The following ACVR2B variants were observed in gnomAD, a reference collection of about 807,000 sequenced individuals.
ACVR2B encodes activin A receptor type 2B.
A neutral mutation model predicts 65.1 loss-of-function variants in ACVR2B; 18 were observed. That is an observed-to-expected ratio of 0.28 (90% CI 0.19 to 0.41). The LOEUF (loss-of-function observed/expected upper bound fraction) is 0.41, where lower values mean the gene tolerates loss of function less well. Among genes scored for constraint, ACVR2B ranks in the 10% least tolerant of loss-of-function variants. The pLI is 1.00. For synonymous variants in ACVR2B, 298 were observed against 277.7 expected, an observed-to-expected ratio of 1.07 and a Z score of -0.73; for missense variants, 482 against 682.7, an observed-to-expected ratio of 0.71 and a Z score of 3.28.
intron 1 of ACVR2B, among the ~76,000 whole-genome samples, chr3:38,472,937 T>C (rs931084320): frequency 6.6e-6 from 1 of 152,202 alleles, no homozygotes; most frequent in African/African-American, 2.4e-5. Context: ...GACCTCCCAG[T>C]GCGTGTCTTC....
Position 38,478,512 on chromosome 3 carries a change from A to G in ACVR2B, c.660A>G (p.Pro220=). ...MNDFVAVKIF[P]LQDKQSWQSE... ...ACTTTGTAGCTGTCAAGATCTTCCCACTCCAGGTGAGTGTTTGAGGGGCTC... is the reference window on the plus strand; with the variant it reads ...ACTTTGTAGCTGTCAAGATCTTCCCGCTCCAGGTGAGTGTTTGAGGGGCTC... The change falls in exon 5 of 11, where the codon CCA becomes CCG. Residue 220 remains proline, a synonymous_variant. Coordinates refer to ENST00000352511, the MANE Select transcript of ACVR2B (RefSeq NM_001106.4). 3 of 1,613,586 alleles carry G rather than the reference A, an allele frequency of 1.9e-6. No individual in the cohort carries two copies.
chr3:38,492,795 C>T lies in ACVR2B; in HGVS notation c.*9463C>T, dbSNP rs1332171575. ...ACACACACACACACACACACACACA[C>T]ACACACACATACACCTAAAATGGCC... On this transcript the variant is annotated 3_prime_UTR_variant, in exon 11 of 11. Coordinates refer to ENST00000352511, the MANE Select transcript of ACVR2B (RefSeq NM_001106.4). 5.3e-5 allele frequency: 3 copies of T among 56,550 alleles called. No individual in the cohort carries two copies. The highest frequency in any genetic ancestry group is 1.3e-4 in the African/African-American group (2 of 15,232). The allele number at this position is 56,550 out of a possible 1,614,324, so 3.5% of individuals were successfully genotyped here. A position where few individuals can be genotyped will look rare whatever the true frequency, so the allele number is the denominator to read the frequency against.
At chr3:38,466,805 C>G (rs1002060957) in intron 1 of ACVR2B, among the ~76,000 whole-genome samples, 1 of 152,004 alleles carries the variant, frequency 6.6e-6, no homozygotes, top group Non-Finnish European at 1.5e-5. Context: ...GCCCGGCCTA[C>G]AAAACTTCTT....
At position 38,485,536 on chromosome 3, in the gene ACVR2B, T is replaced by C. The variant is rs1710103589; in HGVS notation, c.*2204T>C. 6.6e-6 allele frequency: 1 copy of C among 152,260 alleles called. No individual in the cohort carries two copies. Among genetic ancestry groups the C allele is most frequent in the Admixed American group, 6.5e-5 (1 of 15,274 alleles). The allele number at this position is 152,260 out of a possible 1,614,324, so 9.4% of individuals were successfully genotyped here. A position where few individuals can be genotyped will look rare whatever the true frequency, so the allele number is the denominator to read the frequency against. The stretch of plus-strand genomic sequence containing the variant: ...CTTACTGCCCCGGGGTCCTTTCCTC[T>C]GGGTGTTGGGGCACAGGGTGCTATG... On this transcript the variant is annotated 3_prime_UTR_variant, in exon 11 of 11. Coordinates refer to ENST00000352511, the MANE Select transcript of ACVR2B (RefSeq NM_001106.4).
intron 1 of ACVR2B, among the ~76,000 whole-genome samples, chr3:38,455,234 C>T (rs1466696832): frequency 1.3e-5 from 2 of 152,084 alleles, no homozygotes; most frequent in Non-Finnish European, 2.9e-5. Flanking sequence ...ACCGATTTCC[C>T]TCTCTCAGTG....
chr3:38,477,698 GTTC>G lies in ACVR2B; in HGVS notation c.261-159_261-157del, dbSNP rs1332647054. 6.6e-6 allele frequency among the ~76,000 whole-genome samples: 1 copy of G among 152,176 alleles called. No homozygotes were observed. Among genetic ancestry groups the G allele is most frequent in the Non-Finnish European group, 1.5e-5 (1 of 68,024 alleles). On this transcript the variant is annotated intron_variant, in intron 2 of 10. Transcript: ENST00000352511. This position sits in a 1 kb window ranked among gnomAD's most constrained non-coding sequence, Gnocchi z 6.7. ...GGGGTCTCAGTGTCAACCCCTGGCTGTTCTTCCTTGGCTTTGGGTCTCCTGTAG... is the reference window on the plus strand; with the variant it reads ...GGGGTCTCAGTGTCAACCCCTGGCTGTTCCTTGGCTTTGGGTCTCCTGTAG...
In ACVR2B at chr3:38,491,140, T is replaced by C. The variant is rs990321879; in HGVS notation, c.*7808T>C. Reference sequence around the variant, plus strand: ...TGCTGTGAAATTAGGCCTTGTGGGATATGGCTGTTTGTCATTTTGATGTAT... The same window carrying C: ...TGCTGTGAAATTAGGCCTTGTGGGACATGGCTGTTTGTCATTTTGATGTAT... On this transcript the variant is annotated 3_prime_UTR_variant, in exon 11 of 11. Transcript: ENST00000352511. The C allele has an allele frequency of 1.5e-4, 23 of 152,410 alleles. No individual in the cohort carries two copies. The highest frequency in any genetic ancestry group is 4.8e-4 in the African/African-American group (20 of 41,460). 9.4% of individuals were successfully genotyped at this position (152,410 alleles called of 1,614,324 possible). A position where few individuals can be genotyped will look rare whatever the true frequency, so the allele number is the denominator to read the frequency against.
chr3:38,454,359 G>T lies in ACVR2B; in HGVS notation c.37G>T (p.Gly13Ter). Residue 13 changes from glycine to a stop codon, truncating the protein, a stop_gained, in exon 1 of 11, where the codon GGA becomes TGA. Coordinates refer to ENST00000352511, the MANE Select transcript of ACVR2B (RefSeq NM_001106.4). LOFTEE classifies it high-confidence loss of function. ...CTGGGTGGCCCTCGCCCTCCTCTGG[G>T]GATCGCTGTGCGCCGGTAAGAACTG... Reference protein sequence around the residue: ...APWVALALLWGSLCAGSGRGE... With the variant: ...APWVALALLW 7.8e-7 allele frequency: 1 copy of T among 1,285,730 alleles called. No individual in the cohort carries two copies. Among genetic ancestry groups the T allele is most frequent in the South Asian group, 2.6e-5 (1 of 37,880 alleles). The allele number at this position is 1,285,730 out of a possible 1,614,324, so 79.6% of individuals were successfully genotyped here.
At position 38,453,899 on chromosome 3, in the gene ACVR2B, C is replaced by T. The variant is rs1709492149; in HGVS notation, c.-424C>T. 1 of 147,166 alleles carries T rather than the reference C, an allele frequency of 6.8e-6. No homozygotes were observed. The highest frequency in any genetic ancestry group is 2.2e-4 in the South Asian group (1 of 4,474). 9.1% of individuals were successfully genotyped at this position (147,166 alleles called of 1,614,324 possible). On this transcript the variant is annotated 5_prime_UTR_variant, in exon 1 of 11. Coordinates refer to ENST00000352511, the MANE Select transcript of ACVR2B (RefSeq NM_001106.4). The stretch of plus-strand genomic sequence containing the variant: ...TCCGGGTTTCCCCGCTGGCTCGGCT[C>T]CGTGGCCGCCGCTCAGGAGCCATTT...
chr3:38,457,805 G>C (rs1015504584), intron 1 of ACVR2B, among the ~76,000 whole-genome samples: 2 of 152,210 alleles, frequency 1.3e-5, no homozygotes, highest in African/African-American at 4.8e-5. Context: ...CACTTCCTTG[G>C]GGGAGGGCGG....
chr3:38,465,041 A>G (rs1709706338), intron 1 of ACVR2B, among the ~76,000 whole-genome samples: 1 of 152,180 alleles, frequency 6.6e-6, no homozygotes, highest in Admixed American at 6.5e-5. Flanking sequence ...GCCAGCAGAA[A>G]CATCACAGTT....
intron 1 of ACVR2B, among the ~76,000 whole-genome samples, chr3:38,455,892 C>T (rs1472606156): frequency 6.6e-6 from 1 of 152,174 alleles, no homozygotes; most frequent in African/African-American, 2.4e-5. Context: ...GACCGCAGCC[C>T]ACCTGACTGC....
chr3:38,475,565 G>T (rs1255479638), intron 1 of ACVR2B: 2 of 152,294 alleles, frequency 1.3e-5, no homozygotes, highest in African/African-American at 4.8e-5. Context: ...GTTGCAGAAA[G>T]GGGTTGGGTT....
intron 1 of ACVR2B, among the ~76,000 whole-genome samples, chr3:38,462,475 T>G (rs947430963): frequency 6.6e-6 from 1 of 152,214 alleles, no homozygotes; most frequent in Non-Finnish European, 1.5e-5. Flanking sequence ...TAACTACTAT[T>G]CTAACTTCTA....
intron 1 of ACVR2B, among the ~76,000 whole-genome samples, chr3:38,465,746 A>G (rs1709717403): frequency 1.3e-5 from 2 of 152,244 alleles, no homozygotes; most frequent in Admixed American, 1.3e-4. Flanking sequence ...AGAATGAGGC[A>G]GAAAAGTTAA....
chr3:38,465,524 A>T (rs1709713772), intron 1 of ACVR2B, among the ~76,000 whole-genome samples: 1 of 152,232 alleles, frequency 6.6e-6, no homozygotes, highest in South Asian at 2.1e-4. Context: ...TTACGTAATA[A>T]CAGAAATTAA....
intron 1 of ACVR2B, among the ~76,000 whole-genome samples, chr3:38,462,037 A>G (rs561062811): frequency 6.6e-6 from 1 of 152,218 alleles, no homozygotes; most frequent in South Asian, 2.1e-4. Flanking sequence ...TACTAAAAAT[A>G]CAAAAAATTA....
At chr3:38,482,710 G>T in intron 10 of ACVR2B, 150 bp downstream of exon 10, 1 of 1,187,484 alleles carries the variant, frequency 8.4e-7, no homozygotes. Flanking sequence ...GGGGTTATGG[G>T]GAGTGAGGTA....
chr3:38,476,969 C>G (rs917359904), intron 1 of ACVR2B: 2 of 474,578 alleles, frequency 4.2e-6, no homozygotes, highest in South Asian at 4.8e-5. Flanking sequence ...TTCTGTGCAT[C>G]TGGACTCTGT....
Sources: gnomAD v4.1 joint callset for allele counts (sites outside exome capture counted in the v4.1 genomes callset) on GRCh38, gnomAD v4.1.1 for gene constraint, Gnocchi (gnomAD v3.1) non-coding constraint, MANE v1.5 for transcripts, NCBI Gene and HGNC (gene_info 2026-07-23, HGNC 2026-07-21) for gene names.